The following HFM1 variants were observed in gnomAD, a reference collection of about 807,000 sequenced individuals.
The protein encoded by HFM1 is probable ATP-dependent DNA helicase HFM1.
In HFM1, 169 loss-of-function variants were observed where a neutral mutation model predicts 192.1. The ratio of observed to expected loss-of-function variants is 0.88; its 90% confidence interval spans 0.78 to 1.00. The LOEUF (loss-of-function observed/expected upper bound fraction) is 1.00, where lower values mean the gene tolerates loss of function less well. Ranked by LOEUF, HFM1 falls within the 50% of genes least tolerant of loss-of-function variation. The pLI is 0.00. For missense variants in HFM1, 1,661 were observed against 1,668.0 expected, an observed-to-expected ratio of 1.00 and a Z score of 0.07; for synonymous variants, 525 against 537.8, an observed-to-expected ratio of 0.98 and a Z score of 0.33.
chr1:91,309,571 G>T (rs939881486), intron 30 of HFM1, among the ~76,000 whole-genome samples: 2 of 152,092 alleles, frequency 1.3e-5, no homozygotes, highest in African/African-American at 4.8e-5. Flanking sequence ...AAAAATATCT[G>T]CAAAATAATT....
At chr1:91,360,281 G>A (rs774004142) in intron 13 of HFM1, among the ~76,000 whole-genome samples, 1 of 152,130 alleles carries the variant, frequency 6.6e-6, no homozygotes, top group Non-Finnish European at 1.5e-5. Flanking sequence ...AGACCCACTG[G>A]TATGCAGTCT....
upstream of HFM1, among the ~76,000 whole-genome samples, chr1:91,405,610 C>A (rs967093712): frequency 6.6e-6 from 1 of 152,142 alleles, no homozygotes; most frequent in Non-Finnish European, 1.5e-5. Context: ...AAGACCCAAC[C>A]TTTAAGTCTT....
intron 30 of HFM1, among the ~76,000 whole-genome samples, chr1:91,286,197 G>A (rs978198015): frequency 6.6e-6 from 1 of 152,192 alleles, no homozygotes; most frequent in African/African-American, 2.4e-5. Flanking sequence ...TTTGTCAAGA[G>A]TAATCTTTAT....
intron 31 of HFM1, 41 bp from the exon 32 acceptor site, chr1:91,276,784 ATCTTAT>A: frequency 9.9e-7 from 1 of 1,015,124 alleles, no homozygotes; most frequent in Non-Finnish European, 1.4e-6. Context: ...TAAACTTCAG[ATCTTAT>A]TCTTATAAAG....
intron 32 of HFM1, among the ~76,000 whole-genome samples, chr1:91,276,226 T>C (rs1407940631): frequency 2.0e-5 from 3 of 152,170 alleles, no homozygotes; most frequent in Non-Finnish European, 4.4e-5. Context: ...TCTTGGTCCA[T>C]CAAATGTGGA....
chr1:91,351,327 A>G (rs1168812998), intron 17 of HFM1, among the ~76,000 whole-genome samples: 2 of 151,958 alleles, frequency 1.3e-5, no homozygotes, highest in Admixed American at 6.6e-5. Flanking sequence ...TATAAACAAG[A>G]ATACATGCTT....
At chr1:91,269,084 T>C (rs1351459147) in intron 34 of HFM1, among the ~76,000 whole-genome samples, 2 of 152,080 alleles carry the variant, frequency 1.3e-5, no homozygotes, top group South Asian at 2.1e-4. Context: ...CTTTCTTAAG[T>C]CTAAAAAATA....
chr1:91,277,562 A>G (rs1422824064), intron 30 of HFM1, among the ~76,000 whole-genome samples: 1 of 115,870 alleles, frequency 8.6e-6, no homozygotes. Context: ...TATACTTTAA[A>G]TATGTATAAT....
chr1:91,388,803 A>T (rs60423092), intron 4 of HFM1, among the ~76,000 whole-genome samples: 152,062 of 152,248 alleles, frequency 1, 75,938 homozygotes, highest in Non-Finnish European at 1. Context: ...GATAAACTGG[A>T]CTCTATCAAA....
At chr1:91,378,348 G>A in intron 10 of HFM1, 55 bp downstream of exon 10, 1 of 1,411,392 alleles carries the variant, frequency 7.1e-7, no homozygotes, top group Non-Finnish European at 9.9e-7. Flanking sequence ...TTTTCTTTCT[G>A]TCTTATTCTA....
upstream of HFM1, among the ~76,000 whole-genome samples, chr1:91,407,717 C>T (rs1460386295): frequency 6.6e-6 from 1 of 152,166 alleles, no homozygotes; most frequent in South Asian, 2.1e-4. Context: ...CTTCTATGAA[C>T]ATTCGTGTGT....
Position 91,350,750 on chromosome 1 carries a change from G to A in HFM1, c.2194C>T (p.Pro732Ser), listed in dbSNP as rs1656822133. 3 of 1,610,568 alleles carry A rather than the reference G, an allele frequency of 1.9e-6. No individual in the cohort carries two copies. In the East Asian group the frequency reaches 6.7e-5, roughly 36 times the overall value. ...TLLYIRALKN[P>S]SHYGFASGLN... The stretch of plus-strand genomic sequence containing the variant: ...CAAAGTAACAAACCATAATGAGATG[G>A]ATTTTTCAAGGCTCTGATATAAAGC... The change falls in exon 18 of 39, where the codon CCA (proline) becomes TCA (serine). Residue 732 changes from proline to serine, a missense_variant. Physicochemically the swap from Pro to Ser is moderately conservative, Grantham distance 74. Coordinates refer to ENST00000370425, the MANE Select transcript of HFM1 (RefSeq NM_001017975.6).
At chr1:91,278,272 GAATT>G (rs1349893202) in intron 30 of HFM1, among the ~76,000 whole-genome samples, 2 of 151,922 alleles carry the variant, frequency 1.3e-5, no homozygotes, top group Non-Finnish European at 2.9e-5. Flanking sequence ...CTCTAAGTTA[GAATT>G]AATATATCTA....
chr1:91,339,164 C>T lies in HFM1; in HGVS notation c.2335+4266G>A, dbSNP rs558298111. 4.6e-5 allele frequency among the ~76,000 whole-genome samples: 7 copies of T among 151,348 alleles called. No individual in the cohort carries two copies. The East Asian group carries it at 9.9e-4, about 21-fold the overall frequency. The stretch of plus-strand genomic sequence containing the variant: ...TTAAAGGAACATCAGCCCAGACAGA[C>T]GAAAAACAATTAGTCTGTCTGGGCT... On this transcript the variant is annotated intron_variant, in intron 20 of 38. Coordinates refer to ENST00000370425, the MANE Select transcript of HFM1 (RefSeq NM_001017975.6).
chr1:91,323,919 A>T (rs941457908), intron 21 of HFM1, among the ~76,000 whole-genome samples: 21 of 152,184 alleles, frequency 1.4e-4, no homozygotes, highest in African/African-American at 4.8e-4. Flanking sequence ...CTACTGTGCA[A>T]TTTTTACTAC....
At chr1:91,265,471 T>C (rs1195956629) in intron 36 of HFM1, among the ~76,000 whole-genome samples, 1 of 151,502 alleles carries the variant, frequency 6.6e-6, no homozygotes, top group Non-Finnish European at 1.5e-5. Flanking sequence ...CACTCTACAG[T>C]TGGCCTTGGC....
intron 13 of HFM1, among the ~76,000 whole-genome samples, chr1:91,372,612 G>A (rs1225643780): frequency 6.6e-6 from 1 of 152,116 alleles, no homozygotes; most frequent in Non-Finnish European, 1.5e-5. Context: ...GGGAGGGATA[G>A]CATTAGGAGA....
Position 91,313,500 on chromosome 1 carries a change from A to T in HFM1, c.3245-5T>A. ...TCTGCTGAATATCAAGCCCAACTGG[A>T]AAATGAAAAAAAAGTACACAAATGT... On this transcript the variant is annotated splice_polypyrimidine_tract_variant and splice_region_variant and intron_variant, in intron 29 of 38. Coordinates refer to ENST00000370425, the MANE Select transcript of HFM1 (RefSeq NM_001017975.6). 2 of 1,556,368 alleles carry T rather than the reference A, an allele frequency of 1.3e-6. No homozygotes were observed. The highest frequency in any genetic ancestry group is 2.3e-5 in the East Asian group (1 of 43,770).
In HFM1 at chr1:91,329,637, G is replaced by A. The variant is rs149334139; in HGVS notation, c.2336-4871C>T. 231 of 711,926 alleles carry A rather than the reference G, an allele frequency of 3.2e-4. No individual in the cohort carries two copies. The African/African-American group carries it at 3.5e-3, about 11-fold the overall frequency. 44.1% of individuals were successfully genotyped at this position (711,926 alleles called of 1,614,324 possible). A position where few individuals can be genotyped will look rare whatever the true frequency, so the allele number is the denominator to read the frequency against. On this transcript the variant is annotated intron_variant, in intron 20 of 38. Coordinates refer to ENST00000370425, the MANE Select transcript of HFM1 (RefSeq NM_001017975.6). ...GAGAGCATTCTAAGGTTTTTCTAGC[G>A]TGACCCTTTTCAGTAGTGCTAGTCC...
Sources: allele counts gnomAD v4.1 joint callset (sites outside exome capture counted in the v4.1 genomes callset), GRCh38; gene constraint gnomAD v4.1.1; transcripts MANE v1.5; gene names NCBI Gene and HGNC (gene_info 2026-07-23, HGNC 2026-07-21).